Variants in CNTNAP4 observed in about 807,000 individuals in gnomAD.
The protein encoded by CNTNAP4 is contactin associated protein family member 4.
In CNTNAP4, 98 loss-of-function variants were observed where a neutral mutation model predicts 148.4. That is an observed-to-expected ratio of 0.66 (90% confidence interval 0.56 to 0.78). The LOEUF (loss-of-function observed/expected upper bound fraction) is 0.78. CNTNAP4 is among the 30% of genes least tolerant of loss of function. The pLI, the probability that CNTNAP4 is intolerant of heterozygous loss-of-function variation, is 0.00. For missense variants in CNTNAP4, 1,935 were observed against 1,565.6 expected, an observed-to-expected ratio of 1.24 and a Z score of -3.98; for synonymous variants, 730 against 565.1, an observed-to-expected ratio of 1.29 and a Z score of -4.14.
chr16:76,518,942 T>A (rs762941878), intron 15 of CNTNAP4, among the ~76,000 whole-genome samples: 4 of 152,180 alleles, frequency 2.6e-5, no homozygotes, highest in South Asian at 2.1e-4. Flanking sequence ...TAGAATGCTG[T>A]CTTCAAAAGC....
chr16:76,474,993 G>A (rs967182373), intron 10 of CNTNAP4, among the ~76,000 whole-genome samples: 4 of 152,140 alleles, frequency 2.6e-5, no homozygotes, highest in African/African-American at 9.7e-5. Flanking sequence ...CTCAAGACTT[G>A]AAACCAGATC....
chr16:76,341,338 G>GC (rs987557088), intron 2 of CNTNAP4, among the ~76,000 whole-genome samples: 2 of 151,916 alleles, frequency 1.3e-5, no homozygotes, highest in Non-Finnish European at 2.9e-5. Context: ...TACAAATTCT[G>GC]CCCCCCACCC....
chr16:76,449,686 A>G (rs557930683), intron 6 of CNTNAP4, 29 bp from the exon 7 acceptor site: 12 of 1,530,756 alleles, frequency 7.8e-6, no homozygotes, highest in Middle Eastern at 4.1e-4. Context: ...TCACTAAACA[A>G]TATTATTGAT....
At position 76,355,369 on chromosome 16, in the gene CNTNAP4, T is replaced by C; in HGVS notation, c.248T>C (p.Ile83Thr). The C allele has an allele frequency of 6.2e-7, 1 of 1,605,966 alleles. No homozygotes were observed. Among genetic ancestry groups the C allele is most frequent in the Non-Finnish European group, 8.5e-7 (1 of 1,175,842 alleles). The change falls in exon 3 of 24, where the codon ATT becomes ACT. Residue 83 changes from isoleucine (I) to threonine (T), a missense_variant. Physicochemically the swap from Ile to Thr is moderately conservative, Grantham distance 89. Transcript: ENST00000611870. ...TCTAACAAATACCAGTGGTTGCAGA[T>C]TGACCTTGGAGAGAGAATGGAGGTC... Reference protein sequence around the residue: ...LVSNKYQWLQIDLGERMEVTA... With the variant: ...LVSNKYQWLQTDLGERMEVTA...
chr16:76,515,944 CTT>C (rs2083231022), intron 15 of CNTNAP4, among the ~76,000 whole-genome samples: 1 of 142,148 alleles, frequency 7.0e-6, no homozygotes, highest in African/African-American at 2.9e-5. Context: ...TTCTATTTTA[CTT>C]TAAGTTCTGG....
chr16:76,510,263 C>G (rs886372764), intron 15 of CNTNAP4, among the ~76,000 whole-genome samples: 5 of 151,984 alleles, frequency 3.3e-5, no homozygotes, highest in Admixed American at 2.6e-4. Flanking sequence ...TCTCTTGTGA[C>G]TGACTACTTT....
chr16:76,400,311 G>A (rs2078363944), intron 3 of CNTNAP4, among the ~76,000 whole-genome samples: 1 of 151,968 alleles, frequency 6.6e-6, no homozygotes, highest in African/African-American at 2.4e-5. Flanking sequence ...TTTGTGGTGG[G>A]AACATTTAAA....
At chr16:76,322,241 C>G (rs1228037929) in intron 2 of CNTNAP4, among the ~76,000 whole-genome samples, 1 of 152,168 alleles carries the variant, frequency 6.6e-6, no homozygotes, top group African/African-American at 2.4e-5. Context: ...ATATTTCTGT[C>G]TTGAGCCCTA....
rs375871148 is a variant in CNTNAP4 at position 76,467,332 on chromosome 16, A to G, written c.1484-20A>G. The G allele has an allele frequency of 3.2e-5, 51 of 1,611,308 alleles. No individual in the cohort carries two copies. The highest frequency in any genetic ancestry group is 4.0e-5 in the Non-Finnish European group (47 of 1,178,006). On this transcript the variant is annotated intron_variant, in intron 9 of 23. Coordinates refer to ENST00000611870, the MANE Select transcript of CNTNAP4 (RefSeq NM_033401.5). ...TCTGATTCATTGTGATGCGTACTGGATTTATTTCGTTTTTATCAGGTTGTC... is the reference window on the plus strand; with the variant it reads ...TCTGATTCATTGTGATGCGTACTGGGTTTATTTCGTTTTTATCAGGTTGTC...
At chr16:76,286,380 A>C (rs1958886018) in intron 1 of CNTNAP4, among the ~76,000 whole-genome samples, 1 of 152,132 alleles carries the variant, frequency 6.6e-6, no homozygotes, top group African/African-American at 2.4e-5. Context: ...GTATGCTTTT[A>C]AACCAGTATG....
chr16:76,372,355 A>G (rs941419648), intron 3 of CNTNAP4, among the ~76,000 whole-genome samples: 4 of 146,648 alleles, frequency 2.7e-5, no homozygotes, highest in Admixed American at 6.9e-5. Context: ...TCACTGTGTT[A>G]GCCAGGATGG....
intron 1 of CNTNAP4, among the ~76,000 whole-genome samples, chr16:76,300,933 C>CT (rs200166125): frequency 2.7e-5 from 4 of 149,134 alleles, no homozygotes; most frequent in African/African-American, 9.7e-5. Flanking sequence ...TTTCACTTTC[C>CT]TTTTTTTTAA....
chr16:76,370,040 C>T (rs936489433), intron 3 of CNTNAP4, among the ~76,000 whole-genome samples: 1 of 152,194 alleles, frequency 6.6e-6, no homozygotes, highest in Admixed American at 6.5e-5. Flanking sequence ...ATTTTGCCAG[C>T]TGTCTGGGTA....
At chr16:76,450,349 C>T (rs757782122) in intron 7 of CNTNAP4, among the ~76,000 whole-genome samples, 1 of 152,072 alleles carries the variant, frequency 6.6e-6, no homozygotes, top group Non-Finnish European at 1.5e-5. Flanking sequence ...AAGGTTTTGC[C>T]ATGTTAGCCA....
chr16:76,415,437 C>A lies in CNTNAP4; in HGVS notation c.391-12015C>A, dbSNP rs551977438. Among the ~76,000 whole-genome samples the A allele has an allele frequency of 4.4e-4, 67 of 150,800 alleles. 1 individual carries two copies. The South Asian group carries it at 0.014, about 31-fold the overall frequency. On this transcript the variant is annotated intron_variant, in intron 3 of 23. Transcript: ENST00000611870. ...ATAATCATAGGCTATTTGACTTCTG[C>A]TTGTAGTGTAAAAATATCTTTTTAG... is the stretch of plus-strand genomic sequence containing the variant.
At chr16:76,307,539 T>TATATGTATATAC (rs558814796) in intron 1 of CNTNAP4, among the ~76,000 whole-genome samples, 4 of 119,378 alleles carry the variant, frequency 3.4e-5, no homozygotes, top group African/African-American at 1.3e-4. Flanking sequence ...TATATATATA[T>TATATGTATATAC]ACCAAACTCC....
chr16:76,518,971 C>T (rs1385558418), intron 15 of CNTNAP4, among the ~76,000 whole-genome samples: 1 of 152,146 alleles, frequency 6.6e-6, no homozygotes, highest in East Asian at 1.9e-4. Context: ...CCTGCTGCTG[C>T]CTGCCTGCTG....
intron 2 of CNTNAP4, among the ~76,000 whole-genome samples, chr16:76,321,801 A>ACC (rs772151403): frequency 0.12 from 18,374 of 149,460 alleles, 2,026 homozygotes; most frequent in East Asian, 0.49. Flanking sequence ...AAAAAAAAAA[A>ACC]AAAAAACTTT....
chr16:76,289,400 G>T (rs1959020093), intron 1 of CNTNAP4, among the ~76,000 whole-genome samples: 1 of 152,036 alleles, frequency 6.6e-6, no homozygotes, highest in Non-Finnish European at 1.5e-5. Flanking sequence ...TAGGGTAGAA[G>T]AAAAATAAAA....
Sources: allele counts gnomAD v4.1 joint callset (sites outside exome capture counted in the v4.1 genomes callset), GRCh38; gene constraint gnomAD v4.1.1; transcripts MANE v1.5; gene names NCBI Gene and HGNC (gene_info 2026-07-23, HGNC 2026-07-21).